The following CHEK1 variants were observed in gnomAD, a reference collection of about 807,000 sequenced individuals.
CHEK1 encodes checkpoint kinase 1, also known as serine/threonine-protein kinase Chk1.
CHEK1 carries 32 observed loss-of-function variants against 60.2 expected under a neutral mutation model. The observed-to-expected ratio is 0.53, with a 90% CI of 0.40 to 0.71. CHEK1 has a LOEUF of 0.71. CHEK1 is among the 30% of genes least tolerant of loss of function. The probability of loss-of-function intolerance (pLI) is 0.00; values close to 1 mark genes in which losing one functional copy is unlikely to be tolerated. For synonymous variants in CHEK1, 179 were observed against 187.2 expected (o/e 0.96, Z 0.36); for missense variants, 399 against 564.6 (o/e 0.71, Z 2.97).
chr11:125,669,833 C>T (rs566227916), intron 13 of CHEK1, among the ~76,000 whole-genome samples: 1 of 152,170 alleles, frequency 6.6e-6, no homozygotes, highest in Non-Finnish European at 1.5e-5. Flanking sequence ...CATGCCTAGG[C>T]ATATTTCTTT....
chr11:125,627,883 T>C, intron 3 of CHEK1, 53 bp downstream of exon 3: 1 of 1,372,584 alleles, frequency 7.3e-7, no homozygotes. Context: ...AATTTGTTTT[T>C]TAAATCTTGG....
At chr11:125,666,125 C>A (rs1942094898) in intron 13 of CHEK1, among the ~76,000 whole-genome samples, 1 of 150,926 alleles carries the variant, frequency 6.6e-6, no homozygotes, top group South Asian at 2.1e-4. Context: ...TTTATGTAAG[C>A]ATTTATTGCT....
At chr11:125,638,277 C>T (rs1317333972) in intron 8 of CHEK1, among the ~76,000 whole-genome samples, 1 of 151,880 alleles carries the variant, frequency 6.6e-6, no homozygotes, top group Non-Finnish European at 1.5e-5. Flanking sequence ...GGGAAAGATT[C>T]AGGGTGCTGT....
chr11:125,672,376 A>G, intron 13 of CHEK1: 1 of 526,536 alleles, frequency 1.9e-6, no homozygotes, highest in Non-Finnish European at 3.3e-6. Context: ...AATCAGGAAT[A>G]TTGAGAGAAA....
chr11:125,645,596 T>C (rs1456307447), intron 11 of CHEK1, among the ~76,000 whole-genome samples: 1 of 152,160 alleles, frequency 6.6e-6, no homozygotes, highest in Non-Finnish European at 1.5e-5. Flanking sequence ...TGTATATTAA[T>C]TAGGTAATGT....
At chr11:125,672,506 T>G (rs778917171) in intron 13 of CHEK1, 13 of 1,515,258 alleles carry the variant, frequency 8.6e-6, no homozygotes, top group Non-Finnish European at 1.2e-5. Flanking sequence ...AGTTGTTGAC[T>G]GGGGAAGGAA....
At chr11:125,651,383 G>A (rs1474753353) in intron 11 of CHEK1, among the ~76,000 whole-genome samples, 1 of 150,774 alleles carries the variant, frequency 6.6e-6, no homozygotes, top group Non-Finnish European at 1.5e-5. Context: ...TGCATCCCGG[G>A]TTCAAGCGAT....
chr11:125,666,722 T>C (rs1168072010), intron 13 of CHEK1, among the ~76,000 whole-genome samples: 1 of 152,200 alleles, frequency 6.6e-6, no homozygotes, highest in South Asian at 2.1e-4. Flanking sequence ...CTCGCTATAT[T>C]GACTTCTTTA....
chr11:125,648,111 C>CTTTTTTTTTTTTTTTTTT (rs34956393), intron 11 of CHEK1, among the ~76,000 whole-genome samples: 1 of 146,334 alleles, frequency 6.8e-6, no homozygotes, highest in Non-Finnish European at 1.5e-5. Flanking sequence ...CCTGTTTATT[C>CTTTTTTTTTTTTTTTTTT]TTTTTTTTTT....
Position 125,627,590 on chromosome 11 carries a change from A to T in CHEK1, c.66-17A>T, listed in dbSNP as rs763297069. 3.1e-6 allele frequency: 5 copies of T among 1,589,080 alleles called. No individual in the cohort carries two copies. Among genetic ancestry groups the T allele is most frequent in the Non-Finnish European group, 4.3e-6 (5 of 1,167,960 alleles). On this transcript the variant is annotated splice_polypyrimidine_tract_variant and intron_variant, in intron 2 of 12. Coordinates refer to ENST00000438015, the MANE Select transcript of CHEK1 (RefSeq NM_001114122.3). ...AGAAATGGAATTCTGTAATGTTAAA[A>T]CTCTTTTCCTTTTTAGAGTTCAACT...
intron 1 of CHEK1, chr11:125,626,498 C>T (rs1240468322): frequency 1.9e-6 from 1 of 525,364 alleles, no homozygotes; most frequent in Non-Finnish European, 3.4e-6. Context: ...CAATTAATTT[C>T]CTCTGGGGCC....
At chr11:125,652,176 G>A (rs891090574) in intron 11 of CHEK1, among the ~76,000 whole-genome samples, 1 of 152,110 alleles carries the variant, frequency 6.6e-6, no homozygotes, top group Non-Finnish European at 1.5e-5. Context: ...GATCTCGCTC[G>A]GGCTTAACTC....
At chr11:125,633,137 T>C in intron 5 of CHEK1, 26 bp from the exon 6 acceptor site, 1 of 1,545,566 alleles carries the variant, frequency 6.5e-7, no homozygotes, top group Non-Finnish European at 8.6e-7. Context: ...TTTTATTCAG[T>C]GTCATCTTTT....
chr11:125,678,139 T>A, downstream of CHEK1: 1 of 1,614,194 alleles, frequency 6.2e-7, no homozygotes, highest in South Asian at 1.1e-5. Context: ...CCATGCTCAC[T>A]GGAACCATGC....
In CHEK1 at chr11:125,640,168, G is replaced by C. The variant is rs550986930; in HGVS notation, c.814+2624G>C. Among the ~76,000 whole-genome samples, 4 of 152,270 alleles carry C rather than the reference G, an allele frequency of 2.6e-5. No homozygotes were observed. In the South Asian group the frequency reaches 8.3e-4, roughly 32 times the overall value. ...AGTGATTTTTGGAACGTGTTGCCAA[G>C]TTCAATGTAATAGTCCACTGTGGTC... On this transcript the variant is annotated intron_variant, in intron 8 of 12. Coordinates refer to ENST00000438015, the MANE Select transcript of CHEK1 (RefSeq NM_001114122.3).
intron 2 of CHEK1, among the ~76,000 whole-genome samples, chr11:125,627,076 A>G (rs1465262583): frequency 6.6e-6 from 1 of 152,176 alleles, no homozygotes; most frequent in Non-Finnish European, 1.5e-5. Context: ...CTCAGGGTTT[A>G]AGCATTGCGG....
chr11:125,627,503 GA>G, intron 2 of CHEK1, 103 bp from the exon 3 acceptor site: 1 of 903,144 alleles, frequency 1.1e-6, no homozygotes, highest in Non-Finnish European at 1.7e-6. Flanking sequence ...CTCCTTTGTG[GA>G]AAAAGTAATA....
intron 5 of CHEK1, among the ~76,000 whole-genome samples, chr11:125,632,754 C>T (rs1940914975): frequency 6.6e-6 from 1 of 152,028 alleles, no homozygotes; most frequent in Middle Eastern, 3.2e-3. Flanking sequence ...GGTTTGTTTG[C>T]TGCTGAGAAA....
At chr11:125,661,467 A>G (rs1045087869), downstream of CHEK1, among the ~76,000 whole-genome samples, 2 of 152,048 alleles carry the variant, frequency 1.3e-5, no homozygotes, top group African/African-American at 4.8e-5. Flanking sequence ...GTGTGCCATC[A>G]TGTCTGGCTA....
Sources: allele counts gnomAD v4.1 joint callset (sites outside exome capture counted in the v4.1 genomes callset), GRCh38; gene constraint gnomAD v4.1.1; transcripts MANE v1.5; gene names NCBI Gene and HGNC (gene_info 2026-07-23, HGNC 2026-07-21).